COL26A1: variants seen among roughly 807,000 people sequenced by gnomAD.
The protein encoded by COL26A1 is collagen type XXVI alpha 1 chain, also known as collagen alpha-1(XXVI) chain.
COL26A1 carries 41 observed loss-of-function variants against 59.3 expected under a neutral mutation model. That is an observed-to-expected ratio of 0.69 (90% CI 0.54 to 0.90). The LOEUF is 0.90. Among genes scored for constraint, COL26A1 ranks in the 40% least tolerant of loss-of-function variants. COL26A1 has a pLI of 0.00. For missense variants in COL26A1, 612 were observed against 602.3 expected (o/e 1.02, Z -0.17); for synonymous variants, 266 against 256.0 (o/e 1.04, Z -0.37).
intron 3 of COL26A1, among the ~76,000 whole-genome samples, chr7:101,471,571 GTTTTTTTTTT>G (rs71517177): frequency 1.6e-4 from 15 of 92,968 alleles, no homozygotes; most frequent in African/African-American, 5.5e-4. Flanking sequence ...GTTGTTGTTT[GTTTTTTTTTT>G]TTTTTTTTTT....
intron 1 of COL26A1, among the ~76,000 whole-genome samples, chr7:101,371,054 C>A (rs779726863): frequency 6.6e-6 from 1 of 152,184 alleles, no homozygotes; most frequent in African/African-American, 2.4e-5. Flanking sequence ...CTTGGGCAAG[C>A]GTGCATGAGC....
intron 3 of COL26A1, among the ~76,000 whole-genome samples, chr7:101,521,955 C>T (rs1795148861): frequency 6.6e-6 from 1 of 152,166 alleles, no homozygotes; most frequent in Admixed American, 6.6e-5. Context: ...GGTTTGCCTA[C>T]TGTTCTGACC....
At chr7:101,400,284 T>C (rs1791961099) in intron 1 of COL26A1, among the ~76,000 whole-genome samples, 1 of 149,922 alleles carries the variant, frequency 6.7e-6, no homozygotes, top group African/African-American at 2.4e-5. Context: ...GAAGGCCTGG[T>C]GGGCTCGGTC....
intron 1 of COL26A1, among the ~76,000 whole-genome samples, chr7:101,365,900 G>A (rs183627239): frequency 3.3e-5 from 5 of 152,272 alleles, no homozygotes; most frequent in Admixed American, 1.3e-4. Context: ...GGGAGCGAAT[G>A]GGGACCTCAT....
At chr7:101,491,156 A>C (rs1210703680) in intron 3 of COL26A1, among the ~76,000 whole-genome samples, 1 of 151,828 alleles carries the variant, frequency 6.6e-6, no homozygotes, top group Non-Finnish European at 1.5e-5. Flanking sequence ...ATGATTGTGC[A>C]TGCTCCCCCC....
At chr7:101,461,736 C>A (rs7796259) in intron 3 of COL26A1, among the ~76,000 whole-genome samples, 13,127 of 152,206 alleles carry the variant, frequency 0.086, 647 homozygotes, top group Middle Eastern at 0.13. Context: ...CCATCACATC[C>A]ACACTGTGGC....
chr7:101,504,389 C>T (rs901047457), intron 3 of COL26A1, among the ~76,000 whole-genome samples: 9 of 152,184 alleles, frequency 5.9e-5, no homozygotes, highest in South Asian at 2.1e-4. Flanking sequence ...GCATGAGCCA[C>T]GGTGCCCGGC....
chr7:101,436,334 C>G (rs1460842863), intron 2 of COL26A1, among the ~76,000 whole-genome samples: 1 of 152,196 alleles, frequency 6.6e-6, no homozygotes, highest in East Asian at 1.9e-4. Flanking sequence ...TCCCCTGCCT[C>G]CCGCTCTGAA....
chr7:101,395,996 G>A (rs557865604), intron 1 of COL26A1, among the ~76,000 whole-genome samples: 25 of 152,232 alleles, frequency 1.6e-4, no homozygotes, highest in African/African-American at 6.0e-4. Flanking sequence ...GGTGGCTCAC[G>A]CCTGTAATCC....
At chr7:101,520,624 A>T (rs575691466) in intron 3 of COL26A1, among the ~76,000 whole-genome samples, 4 of 131,412 alleles carry the variant, frequency 3.0e-5, no homozygotes, top group Non-Finnish European at 6.7e-5. Context: ...ACAGACAAGC[A>T]CAGACACATA....
intron 1 of COL26A1, among the ~76,000 whole-genome samples, chr7:101,375,691 A>G (rs993275460): frequency 6.6e-6 from 1 of 151,490 alleles, no homozygotes; most frequent in Non-Finnish European, 1.5e-5. Context: ...GAAAGAAAGA[A>G]AGAAAAAGAA....
At chr7:101,438,178 A>G (rs1454613379) in intron 2 of COL26A1, among the ~76,000 whole-genome samples, 11 of 151,388 alleles carry the variant, frequency 7.3e-5, no homozygotes, top group African/African-American at 4.8e-5. Context: ...GCTAACCAAC[A>G]TGGAGAAACC....
At chr7:101,545,872 G>A (rs1383453746) in intron 7 of COL26A1, among the ~76,000 whole-genome samples, 1 of 152,148 alleles carries the variant, frequency 6.6e-6, no homozygotes, top group Non-Finnish European at 1.5e-5. Flanking sequence ...TCCCTACCTG[G>A]CTACCCCACC....
intron 2 of COL26A1, among the ~76,000 whole-genome samples, chr7:101,431,945 C>T (rs1792790057): frequency 6.7e-6 from 1 of 150,188 alleles, no homozygotes; most frequent in Non-Finnish European, 1.5e-5. Context: ...GCGTACACCA[C>T]CATGCTTGGC....
At chr7:101,453,372 G>A (rs1193578944) in intron 3 of COL26A1, among the ~76,000 whole-genome samples, 1 of 124,658 alleles carries the variant, frequency 8.0e-6, no homozygotes, top group Non-Finnish European at 1.7e-5. Context: ...GTCTCAAAAA[G>A]GAAAAGAAAT....
chr7:101,369,719 A>G (rs1171489669), intron 1 of COL26A1, among the ~76,000 whole-genome samples: 2 of 151,998 alleles, frequency 1.3e-5, no homozygotes, highest in East Asian at 1.9e-4. Context: ...CTCTACTGAT[A>G]GACACTTGTG....
intron 2 of COL26A1, among the ~76,000 whole-genome samples, chr7:101,439,278 T>A (rs766341749): frequency 2.6e-5 from 4 of 151,904 alleles, no homozygotes; most frequent in Non-Finnish European, 5.9e-5. Context: ...GCAGATGTGG[T>A]GGGAGACCTT....
At chr7:101,410,720 C>G (rs145572056) in intron 1 of COL26A1, among the ~76,000 whole-genome samples, 1 of 150,782 alleles carries the variant, frequency 6.6e-6, no homozygotes, top group South Asian at 2.1e-4. Flanking sequence ...TGTTTTGAGA[C>G]GGAGTCTTGC....
chr7:101,425,656 C>T (rs1792627320), intron 2 of COL26A1, among the ~76,000 whole-genome samples: 1 of 119,622 alleles, frequency 8.4e-6, no homozygotes, highest in Admixed American at 1.0e-4. Context: ...ATCAGGACAC[C>T]TGGCTAATTT....
Sources: allele counts gnomAD v4.1 joint callset (sites outside exome capture counted in the v4.1 genomes callset), GRCh38; gene constraint gnomAD v4.1.1; transcripts MANE v1.5; gene names NCBI Gene and HGNC (gene_info 2026-07-23, HGNC 2026-07-21).